Variants in PKD2L1 observed in about 807,000 individuals in gnomAD.
PKD2L1 encodes polycystin 2 like 1, transient receptor potential cation channel.
Under a neutral mutation model 93.0 loss-of-function variants are expected in PKD2L1, and 77 were observed. That is an observed-to-expected ratio of 0.83 (90% CI 0.69 to 1.00). The LOEUF (loss-of-function observed/expected upper bound fraction) is 1.00. Among genes scored for constraint, PKD2L1 ranks in the 50% least tolerant of loss-of-function variants. The probability of loss-of-function intolerance (pLI) is 0.00; values close to 1 mark genes in which losing one functional copy is unlikely to be tolerated. For synonymous variants in PKD2L1, 390 were observed against 388.0 expected (o/e 1.01, Z -0.06); for missense variants, 977 against 990.9 (o/e 0.99, Z 0.19).
chr10:100,294,698 C>G lies in PKD2L1; in HGVS notation c.1539-43G>C, dbSNP rs76112207. 2.4e-3 allele frequency: 3,849 copies of G among 1,611,362 alleles called. 45 individuals are homozygous for G. The East Asian group carries it at 0.037, about 16-fold the overall frequency. On this transcript the variant is annotated intron_variant, in intron 8 of 15. Transcript: ENST00000318222. Reference sequence around the variant, plus strand: ...GGCTTTACCCAGAGCCTAACAAACACCCCCCATCCCACTTTCCTAATCACA... The same window carrying G: ...GGCTTTACCCAGAGCCTAACAAACAGCCCCCATCCCACTTTCCTAATCACA...
chr10:100,317,369 G>C (rs1849122265), intron 2 of PKD2L1, among the ~76,000 whole-genome samples: 1 of 151,206 alleles, frequency 6.6e-6, no homozygotes, highest in South Asian at 2.1e-4. Flanking sequence ...ACGAGACCCT[G>C]TCTTTACAAA....
chr10:100,295,057 T>C lies in PKD2L1; in HGVS notation c.1423A>G (p.Lys475Glu). Reference sequence around the variant, plus strand: ...ATGACGGCGAAGCCCAGGATGTCCTTGGCACAGCGGGCCAGCGTGGAGGAG... The same window carrying C: ...ATGACGGCGAAGCCCAGGATGTCCTCGGCACAGCGGGCCAGCGTGGAGGAG... ...QLSSTLARCA[K>E]DILGFAVMFF... Residue 475 changes from lysine (K) to glutamate (E), a missense_variant, in exon 8 of 16, where the codon AAG becomes GAG. Lys to Glu is a moderately conservative substitution (Grantham distance 56). Transcript: ENST00000318222. 6.2e-7 allele frequency: 1 copy of C among 1,614,116 alleles called. No homozygotes were observed.
At chr10:100,301,460 C>CCCCCCG (rs1554916411) in intron 2 of PKD2L1, among the ~76,000 whole-genome samples, 2 of 151,606 alleles carry the variant, frequency 1.3e-5, no homozygotes, top group African/African-American at 4.8e-5. Context: ...AGAGGCCCCC[C>CCCCCCG]CCCCGGGAAT....
chr10:100,299,545 G>A (rs573420468), intron 3 of PKD2L1, 46 bp downstream of exon 3: 4 of 1,581,702 alleles, frequency 2.5e-6, no homozygotes, highest in African/African-American at 1.3e-5. Context: ...GTGGCCTCAG[G>A]CCATTGAGAA....
chr10:100,295,051 T>G lies in PKD2L1; in HGVS notation c.1429A>C (p.Ile477Leu). Residue 477 changes from isoleucine (I) to leucine (L), a missense_variant, in exon 8 of 16, where the codon ATC becomes CTC. Ile to Leu is a conservative substitution (Grantham distance 5). Coordinates refer to ENST00000318222, the MANE Select transcript of PKD2L1 (RefSeq NM_016112.3). ...AAGAACATGACGGCGAAGCCCAGGA[T>G]GTCCTTGGCACAGCGGGCCAGCGTG... ...SSTLARCAKD[I>L]LGFAVMFFIV... is the part of the protein sequence containing the mutation. 1.2e-6 allele frequency: 2 copies of G among 1,614,102 alleles called. No individual in the cohort carries two copies. The highest frequency in any genetic ancestry group is 1.7e-6 in the Non-Finnish European group (2 of 1,179,950).
chr10:100,324,117 C>T (rs549254444), intron 2 of PKD2L1, among the ~76,000 whole-genome samples: 1 of 152,318 alleles, frequency 6.6e-6, no homozygotes, highest in South Asian at 2.1e-4. Flanking sequence ...CATGAGCCAC[C>T]GTGCCCAGCC....
intron 2 of PKD2L1, among the ~76,000 whole-genome samples, chr10:100,310,040 A>G (rs1848898044): frequency 6.6e-6 from 1 of 152,238 alleles, no homozygotes; most frequent in Non-Finnish European, 1.5e-5. Context: ...AGAGCTAGAA[A>G]AGAGGGCAGC....
chr10:100,303,636 AG>A (rs1564886466), intron 2 of PKD2L1, among the ~76,000 whole-genome samples: 1 of 152,158 alleles, frequency 6.6e-6, no homozygotes, highest in Non-Finnish European at 1.5e-5. Flanking sequence ...ATACTTTTTC[AG>A]GGGGAAAAAA....
At chr10:100,311,798 G>C (rs901140986) in intron 2 of PKD2L1, among the ~76,000 whole-genome samples, 4 of 152,210 alleles carry the variant, frequency 2.6e-5, no homozygotes, top group African/African-American at 9.6e-5. Context: ...GCGTCTGCCA[G>C]TAAGTGTACA....
rs74973164 is a variant in PKD2L1 at position 100,299,566 on chromosome 10, G to A, written c.477+25C>T. The stretch of plus-strand genomic sequence containing the variant: ...TCAGGCCATTGAGAAAGAGAGGGGA[G>A]GGGTAGAAAAGATCTTATACTCACA... On this transcript the variant is annotated intron_variant, in intron 3 of 15. Coordinates refer to ENST00000318222, the MANE Select transcript of PKD2L1 (RefSeq NM_016112.3). The A allele has an allele frequency of 9.7e-3, 15,599 of 1,609,136 alleles. 1,236 individuals carry two copies. The African/African-American group carries it at 0.18, about 18-fold the overall frequency.
chr10:100,315,770 C>G lies in PKD2L1; in HGVS notation c.349+13441G>C, dbSNP rs113015186. 2.0e-3 allele frequency among the ~76,000 whole-genome samples: 311 copies of G among 152,296 alleles called. 2 individuals are homozygous for G. Among genetic ancestry groups the G allele is most frequent in the Middle Eastern group, 0.01 (3 of 294 alleles). On this transcript the variant is annotated intron_variant, in intron 2 of 15. Transcript: ENST00000318222. ...TTGAGACTCTGACTATGGCAAAACT[C>G]TTGCATATTCATAGCCTGAGGCCTT...
chr10:100,300,048 C>A (rs1181135175), intron 2 of PKD2L1, among the ~76,000 whole-genome samples: 2 of 152,216 alleles, frequency 1.3e-5, no homozygotes, highest in South Asian at 2.1e-4. Flanking sequence ...CTCCCCAGAG[C>A]AAAGATATTC....
Position 100,297,594 on chromosome 10 carries a change from G to C in PKD2L1, c.744C>G (p.His248Gln), listed in dbSNP as rs1324516236. 1 of 1,613,120 alleles carries C rather than the reference G, an allele frequency of 6.2e-7. No homozygotes were observed. The highest frequency in any genetic ancestry group is 1.1e-5 in the South Asian group (1 of 91,036). Residue 248 changes from histidine (H) to glutamine (Q), a missense_variant, in exon 5 of 16, where the codon CAC becomes CAG. By Grantham distance (24) the His-to-Gln change is conservative. Coordinates refer to ENST00000318222, the MANE Select transcript of PKD2L1 (RefSeq NM_016112.3). ...AGAAGCCCCCCAACTCATCCTGCGA[G>C]TGGTATGTCCACCTGCCACAGAAAA... ...GPFNGTAWTY[H>Q]SQDELGGFSH... is the part of the protein sequence containing the mutation.
chr10:100,294,681 C>T (rs1219267687), intron 8 of PKD2L1, 26 bp from the exon 9 acceptor site: 1 of 1,613,672 alleles, frequency 6.2e-7, no homozygotes, highest in African/African-American at 1.3e-5. Context: ...TGGGCTTTAC[C>T]CAGAGCCTAA....
Position 100,294,972 on chromosome 10 carries a change from A to G in PKD2L1, c.1508T>C (p.Val503Ala). ...CTTGATGAAAGTGCTAAAGTTTTCC[A>G]CTTGGGTCCCGAAAAGCAGGTAGCC... The part of the protein sequence containing the change: ...QLGYLLFGTQ[V>A]ENFSTFIKCI... The change falls in exon 8 of 16, where the codon GTG becomes GCG. Residue 503 changes from valine to alanine, a missense_variant. Physicochemically the swap from Val to Ala is moderately conservative, Grantham distance 64 (BLOSUM62 0). Transcript: ENST00000318222. 3.7e-6 allele frequency: 6 copies of G among 1,614,142 alleles called. No individual in the cohort carries two copies. The highest frequency in any genetic ancestry group is 5.1e-6 in the Non-Finnish European group (6 of 1,179,990).
In PKD2L1 at chr10:100,291,380, G is replaced by A. The variant is rs1848403581; in HGVS notation, c.1928C>T (p.Thr643Ile). 1.2e-6 allele frequency: 2 copies of A among 1,613,900 alleles called. No homozygotes were observed. Among genetic ancestry groups the A allele is most frequent in the African/African-American group, 2.7e-5 (2 of 74,866 alleles). Reference protein sequence around the residue: ...HEITELTATFTKFDRDGNRIL... With the variant: ...HEITELTATFIKFDRDGNRIL... ...ACGATTCCCATCTCTGTCAAACTTG[G>A]TGAAGGTGGCCGTGAGCTCAGTGAT... is the stretch of plus-strand genomic sequence containing the variant. Residue 643 changes from threonine to isoleucine, a missense_variant, in exon 12 of 16, where the codon ACC (threonine) becomes ATC (isoleucine). Thr to Ile is a moderately conservative substitution (Grantham distance 89). Transcript: ENST00000318222.
At chr10:100,300,734 C>A (rs1848655788) in intron 2 of PKD2L1, among the ~76,000 whole-genome samples, 1 of 152,178 alleles carries the variant, frequency 6.6e-6, no homozygotes, top group Non-Finnish European at 1.5e-5. Context: ...GTGGTGTCTG[C>A]CAGTTTCTTC....
intron 7 of PKD2L1, among the ~76,000 whole-genome samples, chr10:100,295,834 G>C (rs923427237): frequency 4.0e-5 from 6 of 150,238 alleles, no homozygotes; most frequent in Non-Finnish European, 7.4e-5. Context: ...TTGGGAGTTC[G>C]AGACCACCCT....
intron 2 of PKD2L1, among the ~76,000 whole-genome samples, chr10:100,321,577 A>C (rs1849228299): frequency 6.9e-6 from 1 of 143,996 alleles, no homozygotes; most frequent in Non-Finnish European, 1.5e-5. Flanking sequence ...GAGAGGTTGA[A>C]GTGGGAGGAT....
Sources: gnomAD v4.1 joint callset for allele counts (sites outside exome capture counted in the v4.1 genomes callset) on GRCh38, gnomAD v4.1.1 for gene constraint, MANE v1.5 for transcripts, NCBI Gene and HGNC (gene_info 2026-07-23, HGNC 2026-07-21) for gene names.